Variants in CLCN4 observed in about 807,000 individuals in gnomAD.
CLCN4 encodes the protein Cl-/H+ antiporter 4.
Under a neutral mutation model 41.7 loss-of-function variants are expected in CLCN4, and 1 was observed. That is an observed-to-expected ratio of 0.02 (90% confidence interval 0.01 to 0.11). The LOEUF is 0.11. CLCN4 is among the 10% of genes least tolerant of loss of function. The pLI is 1.00. For synonymous variants in CLCN4, 277 were observed against 285.8 expected (o/e 0.97, Z 0.31); for missense variants, 287 against 661.0 (o/e 0.43, Z 6.20).
Position 10,190,847 on chromosome X carries a change from A to C in CLCN4, c.244+3233A>C, listed in dbSNP as rs193178572. Among the ~76,000 whole-genome samples, 324 of 112,239 alleles carry C rather than the reference A, an allele frequency of 2.9e-3. No homozygotes were observed. In the Middle Eastern group the frequency reaches 0.041, roughly 14 times the overall value. ...TGATATCTCTAACTTAATTAGACTAATTATATATATTTGTATATTTGGAAT... is the reference window on the plus strand; with the variant it reads ...TGATATCTCTAACTTAATTAGACTACTTATATATATTTGTATATTTGGAAT... On this transcript the variant is annotated intron_variant, in intron 4 of 12. Coordinates refer to ENST00000380833, the MANE Select transcript of CLCN4 (RefSeq NM_001830.4).
chrX:10,219,135 T>C (rs1437864877), intron 11 of CLCN4, among the ~76,000 whole-genome samples: 1 of 112,371 alleles, frequency 8.9e-6, no homozygotes, highest in Non-Finnish European at 1.9e-5. Flanking sequence ...TATAAGCATG[T>C]TATTTATTTT....
rs1286827060 is a variant in CLCN4 at position 10,158,290 on chromosome X, C to A, written c.-273C>A. On this transcript the variant is annotated splice_region_variant and 5_prime_UTR_variant, in exon 2 of 13. Coordinates refer to ENST00000380833, the MANE Select transcript of CLCN4 (RefSeq NM_001830.4). ...GTTTTTCATAATTCTTCGCGAAAGG[C>A]CAGGCAAGCTGCACACATCAAGCGA... 1.0e-5 allele frequency: 3 copies of A among 290,066 alleles called. No homozygotes were observed. The highest frequency in any genetic ancestry group is 1.8e-5 in the Non-Finnish European group (3 of 166,151). 23.9% of individuals were successfully genotyped at this position (290,066 alleles called of 1,213,427 possible).
At chrX:10,180,767 CAAAAAAAAAAA>C (rs869040200) in intron 2 of CLCN4, among the ~76,000 whole-genome samples, 1 of 25,049 alleles carries the variant, frequency 4.0e-5, no homozygotes, top group Non-Finnish European at 6.9e-5. Context: ...AACTCCATCT[CAAAAAAAAAAA>C]AAAAAAAAAA....
intron 9 of CLCN4, among the ~76,000 whole-genome samples, chrX:10,209,941 T>C (rs1291741683): frequency 1.8e-5 from 2 of 110,173 alleles, no homozygotes; most frequent in Admixed American, 9.7e-5. Context: ...TTAACACCTG[T>C]ATTTAGCTTT....
chrX:10,209,291 C>CCCTT (rs1344445848), intron 9 of CLCN4, among the ~76,000 whole-genome samples: 3 of 88,490 alleles, frequency 3.4e-5, no homozygotes, highest in Non-Finnish European at 6.6e-5. Context: ...CTCCCTCCCT[C>CCCTT]CCTTCCTTCC....
At chrX:10,187,437 C>T in intron 3 of CLCN4, 78 bp from the exon 4 acceptor site, 1 of 725,266 alleles carries the variant, frequency 1.4e-6, no homozygotes, top group Non-Finnish European at 2.2e-6. Context: ...ACCCTGTTTC[C>T]CGAGGAAACA....
intron 10 of CLCN4, among the ~76,000 whole-genome samples, chrX:10,213,106 G>C (rs967597475): frequency 1.8e-5 from 2 of 111,949 alleles, no homozygotes; most frequent in African/African-American, 6.5e-5. Context: ...TACTGGAAGT[G>C]AGAAACAGAT....
rs1164473825 is a variant in CLCN4 at position 10,206,224 on chromosome X, AATG to A, written c.556-132_556-130del. 8.5e-6 allele frequency: 4 copies of A among 468,895 alleles called. No individual in the cohort carries two copies. The African/African-American group carries it at 9.7e-5, about 11-fold the overall frequency. The allele number at this position is 468,895 out of a possible 1,213,427, so 38.6% of individuals were successfully genotyped here. A position where few individuals can be genotyped will look rare whatever the true frequency, so the allele number is the denominator to read the frequency against. On this transcript the variant is annotated intron_variant, in intron 6 of 12. Transcript: ENST00000380833. ...AATATAAAATTATAGTTAAATCAAA[AATG>A]AAAATGGTTTCTGTTCCATGCTATT...
At chrX:10,187,676 G>A in intron 4 of CLCN4, 62 bp downstream of exon 4, 2 of 871,429 alleles carry the variant, frequency 2.3e-6, no homozygotes, top group Non-Finnish European at 3.4e-6. Context: ...CTCAAAACAC[G>A]AACCCTCTGG....
chrX:10,201,126 G>GA (rs1251471618), intron 6 of CLCN4, among the ~76,000 whole-genome samples: 1 of 111,993 alleles, frequency 8.9e-6, no homozygotes. Context: ...CAGCTAAAAT[G>GA]AAAAAACGTA....
rs1922971545 is a variant in CLCN4 at position 10,157,107 on chromosome X, T to C, written c.-275+7T>C. 1 of 296,609 alleles carries C rather than the reference T, an allele frequency of 3.4e-6. No individual in the cohort carries two copies. The highest frequency in any genetic ancestry group is 6.1e-5 in the Admixed American group (1 of 16,396). The allele number at this position is 296,609 out of a possible 1,213,427, so 24.4% of individuals were successfully genotyped here. On this transcript the variant is annotated splice_region_variant and intron_variant, in intron 1 of 12. Coordinates refer to ENST00000380833, the MANE Select transcript of CLCN4 (RefSeq NM_001830.4). ...CAGAATCTGAAAGCGGAAGGTAAGC[T>C]GCTTATCACTCAGAAAAACAAATTT...
At chrX:10,220,525 C>T (rs1053212633) in intron 11 of CLCN4, 136 bp from the exon 12 acceptor site, 1 of 506,124 alleles carries the variant, frequency 2.0e-6, no homozygotes, top group Non-Finnish European at 3.5e-6. Context: ...GGCTAAAGCC[C>T]CTTATTAAGA....
chrX:10,194,770 G>C (rs953545257), intron 4 of CLCN4, 141 bp from the exon 5 acceptor site: 13 of 522,176 alleles, frequency 2.5e-5, no homozygotes, highest in Non-Finnish European at 3.9e-5. Flanking sequence ...CTATGTAAGT[G>C]ACAGCCCCAT....
intron 9 of CLCN4, 88 bp downstream of exon 9, chrX:10,208,678 A>T: frequency 2.3e-6 from 2 of 866,438 alleles, no homozygotes; most frequent in South Asian, 2.5e-5. Context: ...GCGGTGGGAA[A>T]AAAAGGGGAA....
intron 12 of CLCN4, among the ~76,000 whole-genome samples, chrX:10,232,730 A>G (rs1399619966): frequency 9.0e-6 from 1 of 110,501 alleles, no homozygotes; most frequent in Non-Finnish European, 1.9e-5. Context: ...CAGAGGGCAC[A>G]ATTTCTACTG....
rs887677288 is a variant in CLCN4 at position 10,235,788 on chromosome X, C to T, written c.*2204C>T. 1.8e-5 allele frequency: 2 copies of T among 112,597 alleles called. No homozygotes were observed. The highest frequency in any genetic ancestry group is 3.8e-5 in the Non-Finnish European group (2 of 53,328). The allele number at this position is 112,597 out of a possible 1,213,427, so 9.3% of individuals were successfully genotyped here. The stretch of plus-strand genomic sequence containing the variant: ...CATTGACCTCTTCCTTCCAAAATAA[C>T]ATCAAGTAGCCACCTCAGTGTGACA... On this transcript the variant is annotated 3_prime_UTR_variant, in exon 13 of 13. Transcript: ENST00000380833.
At chrX:10,196,767 C>T (rs775127457) in intron 5 of CLCN4, among the ~76,000 whole-genome samples, 1 of 111,303 alleles carries the variant, frequency 9.0e-6, no homozygotes, top group South Asian at 3.8e-4. Flanking sequence ...ATTGGCTGTG[C>T]GCCATATTTT....
chrX:10,195,875 AT>A (rs1255104001), intron 5 of CLCN4, among the ~76,000 whole-genome samples: 2 of 112,297 alleles, frequency 1.8e-5, no homozygotes, highest in Admixed American at 1.9e-4. Context: ...ACCACATTTT[AT>A]TTATCCATTT....
chrX:10,214,301 G>A (rs1349831561), intron 11 of CLCN4, among the ~76,000 whole-genome samples: 1 of 112,410 alleles, frequency 8.9e-6, no homozygotes, highest in Non-Finnish European at 1.9e-5. Context: ...CCCCATTAAC[G>A]CCGATATTGC....
Sources: gnomAD v4.1 joint callset for allele counts (sites outside exome capture counted in the v4.1 genomes callset) on GRCh38, gnomAD v4.1.1 for gene constraint, MANE v1.5 for transcripts, NCBI Gene and HGNC (gene_info 2026-07-23, HGNC 2026-07-21) for gene names.